SPATA3: variants seen among roughly 807,000 people sequenced by gnomAD.
SPATA3 encodes spermatogenesis associated 3.
A neutral mutation model predicts 5.7 loss-of-function variants in SPATA3; 6 were observed. The observed-to-expected ratio is 1.06, with a 90% CI of 0.58 to 2.09. The LOEUF (loss-of-function observed/expected upper bound fraction) is 2.09. Among genes scored for constraint, SPATA3 ranks in the 30% most tolerant of loss-of-function variants. The pLI is 0.00. For missense variants in SPATA3, 155 were observed against 130.4 expected (o/e 1.19, Z -0.92); for synonymous variants, 44 against 48.4 (o/e 0.91, Z 0.37).
At chr2:231,016,912 A>ATCAC in intron 6 of SPATA3, among the ~76,000 whole-genome samples, 1 of 152,180 alleles carries the variant, frequency 6.6e-6, no homozygotes, top group Non-Finnish European at 1.5e-5. Flanking sequence ...CCATCAAGAC[A>ATCAC]TCACTCAGTT....
downstream of SPATA3, among the ~76,000 whole-genome samples, chr2:231,007,996 C>G (rs1559199179): frequency 6.6e-6 from 1 of 152,060 alleles, no homozygotes; most frequent in Admixed American, 6.6e-5. Context: ...GACGACATAG[C>G]AAGACCCTGT....
intron 2 of SPATA3, among the ~76,000 whole-genome samples, chr2:231,001,127 C>T (rs1692338167): frequency 6.6e-6 from 1 of 152,166 alleles, no homozygotes; most frequent in Admixed American, 6.5e-5. Context: ...TTGGTGGCGG[C>T]CCCCATGACA....
At chr2:231,002,160 A>G (rs1692375518) in intron 2 of SPATA3, among the ~76,000 whole-genome samples, 1 of 152,230 alleles carries the variant, frequency 6.6e-6, no homozygotes, top group Non-Finnish European at 1.5e-5. Flanking sequence ...CTTTCAATCC[A>G]CATTCACATT....
At chr2:231,002,886 C>A, downstream of SPATA3, 1 of 770,550 alleles carries the variant, frequency 1.3e-6, no homozygotes, top group Non-Finnish European at 1.9e-6. Context: ...GACCAAGCCC[C>A]GGCCTCTCAA....
chr2:231,000,425 G>T (rs764445567), exon 2 of SPATA3: 3 of 1,546,734 alleles, frequency 1.9e-6, no homozygotes, highest in Non-Finnish European at 2.6e-6. Context: ...CTGCAGCTCC[G>T]CTTGCTGGCG....
chr2:231,009,276 C>T (rs1692720953), downstream of SPATA3, among the ~76,000 whole-genome samples: 1 of 152,128 alleles, frequency 6.6e-6, no homozygotes, highest in Non-Finnish European at 1.5e-5. Context: ...CGTTTTCCTC[C>T]ACCACCACCA....
At chr2:231,006,503 C>CA (rs112077286), downstream of SPATA3, among the ~76,000 whole-genome samples, 3,206 of 140,468 alleles carry the variant, frequency 0.023, 126 homozygotes, top group African/African-American at 0.08. Context: ...AACTCTGTCT[C>CA]AAAAAAAAAA....
chr2:231,016,468 G>A (rs1309921455), intron 6 of SPATA3, among the ~76,000 whole-genome samples: 4 of 136,756 alleles, frequency 2.9e-5, no homozygotes, highest in Non-Finnish European at 4.5e-5. Flanking sequence ...CAGGTGGATC[G>A]AGATCAGCCT....
intron 6 of SPATA3, among the ~76,000 whole-genome samples, chr2:231,019,111 C>T (rs74482341): frequency 0.053 from 7,840 of 146,602 alleles, 469 homozygotes; most frequent in African/African-American, 0.15. Context: ...CGACTACAGG[C>T]GCCCGCCACA....
chr2:231,019,216 A>G (rs1242906856), intron 6 of SPATA3, among the ~76,000 whole-genome samples: 28 of 146,884 alleles, frequency 1.9e-4, no homozygotes, highest in South Asian at 4.3e-4. Context: ...TGATCCGCCC[A>G]CCTTGGCCTC....
intron 7 of SPATA3, among the ~76,000 whole-genome samples, chr2:231,020,093 T>A (rs1693038560): frequency 6.6e-6 from 1 of 150,622 alleles, no homozygotes; most frequent in Admixed American, 6.6e-5. Flanking sequence ...GAAGAAAGAA[T>A]AAAGTCTGTC....
intron 2 of SPATA3, among the ~76,000 whole-genome samples, chr2:231,001,332 G>T (rs1189863085): frequency 3.9e-5 from 6 of 152,094 alleles, no homozygotes; most frequent in African/African-American, 1.4e-4. Flanking sequence ...GGGCCTCACA[G>T]ATCTCAATGG....
At chr2:231,002,093 T>G (rs2125100761) in intron 2 of SPATA3, among the ~76,000 whole-genome samples, 1 of 152,364 alleles carries the variant, frequency 6.6e-6, no homozygotes, top group Non-Finnish European at 1.5e-5. Context: ...GTTTTAATTC[T>G]GCTCCAATTT....
intron 1 of SPATA3, among the ~76,000 whole-genome samples, chr2:230,996,753 C>T (rs1692138735): frequency 1.3e-5 from 2 of 152,200 alleles, no homozygotes; most frequent in African/African-American, 4.8e-5. Flanking sequence ...AAGACAGCCA[C>T]ACATACATAT....
intron 7 of SPATA3, chr2:231,020,008 C>T (rs1314201893): frequency 8.4e-6 from 1 of 118,954 alleles, no homozygotes; most frequent in East Asian, 2.3e-4. Flanking sequence ...TGTGGACATA[C>T]CAAAGGGGAA....
At chr2:231,016,980 T>G (rs1218645219) in intron 6 of SPATA3, among the ~76,000 whole-genome samples, 2 of 152,252 alleles carry the variant, frequency 1.3e-5, no homozygotes, top group African/African-American at 4.8e-5. Flanking sequence ...ATTTGTTGTC[T>G]GCTTTTTTTC....
intron 5 of SPATA3, among the ~76,000 whole-genome samples, chr2:231,013,479 C>G (rs1692844224): frequency 6.6e-6 from 1 of 151,930 alleles, no homozygotes; most frequent in South Asian, 2.1e-4. Context: ...AGATTGGTTC[C>G]AGTTTTTAGA....
rs964909365 is a variant in SPATA3 at position 231,002,648 on chromosome 2, G to T, written c.963-36G>T. 3.6e-6 allele frequency: 5 copies of T among 1,370,222 alleles called. No homozygotes were observed. The East Asian group carries it at 1.4e-4, about 39-fold the overall frequency. 84.9% of individuals were successfully genotyped at this position (1,370,222 alleles called of 1,614,324 possible). A position where few individuals can be genotyped will look rare whatever the true frequency, so the allele number is the denominator to read the frequency against. Reference sequence around the variant, plus strand: ...GTTCGTAGAGAGGCACTGAAGCCCAGCTTCCCACCACCCCCACTTCTGCTT... The same window carrying T: ...GTTCGTAGAGAGGCACTGAAGCCCATCTTCCCACCACCCCCACTTCTGCTT... On this transcript the variant is annotated intron_variant, in intron 2 of 2. Coordinates refer to ENST00000645363, the Ensembl canonical transcript of SPATA3.
chr2:230,996,357 C>T, intron 1 of SPATA3: 1 of 1,543,414 alleles, frequency 6.5e-7, no homozygotes, highest in Non-Finnish European at 8.8e-7. Context: ...GCAGCCTAGT[C>T]CTGAATCCAC....
Sources: allele counts gnomAD v4.1 joint callset (sites outside exome capture counted in the v4.1 genomes callset), GRCh38; gene constraint gnomAD v4.1.1; transcripts MANE v1.5; gene names NCBI Gene and HGNC (gene_info 2026-07-23, HGNC 2026-07-21).